The following CLEC16A variants were observed in gnomAD, a reference collection of about 807,000 sequenced individuals.
The protein encoded by CLEC16A is C-type lectin domain containing 16A.
A neutral mutation model predicts 109.5 loss-of-function variants in CLEC16A; 51 were observed. The ratio of observed to expected loss-of-function variants is 0.47; its 90% CI spans 0.37 to 0.59. CLEC16A has a LOEUF of 0.59. CLEC16A is among the 20% of genes least tolerant of loss of function. CLEC16A has a pLI of 0.00. For synonymous variants in CLEC16A, 673 were observed against 564.2 expected (o/e 1.19, Z -2.73); for missense variants, 1,339 against 1,394.0 (o/e 0.96, Z 0.63).
intron 21 of CLEC16A, among the ~76,000 whole-genome samples, chr16:11,124,536 A>G (rs2052659372): frequency 6.6e-6 from 1 of 152,242 alleles, no homozygotes; most frequent in African/African-American, 2.4e-5. Context: ...AGGAAGCCCA[A>G]CACTGCCCAG....
intron 1 of CLEC16A, among the ~76,000 whole-genome samples, chr16:10,949,399 A>G (rs1219111734): frequency 6.6e-6 from 1 of 152,096 alleles, no homozygotes; most frequent in Non-Finnish European, 1.5e-5. Flanking sequence ...CGCTGTTTAA[A>G]TGGAGACCAA....
At chr16:11,054,981 C>A (rs1254558669) in intron 18 of CLEC16A, among the ~76,000 whole-genome samples, 2 of 142,810 alleles carry the variant, frequency 1.4e-5, no homozygotes, top group African/African-American at 5.2e-5. Flanking sequence ...GGAGGCTGAT[C>A]CTTTTTAGAA....
chr16:11,025,426 G>A (rs74384552), intron 13 of CLEC16A, among the ~76,000 whole-genome samples: 1 of 152,216 alleles, frequency 6.6e-6, no homozygotes, highest in African/African-American at 2.4e-5. Context: ...AGGCTACTTG[G>A]CCAGGATCCA....
At chr16:11,014,869 A>G (rs961456383) in intron 11 of CLEC16A, among the ~76,000 whole-genome samples, 1 of 152,222 alleles carries the variant, frequency 6.6e-6, no homozygotes, top group Non-Finnish European at 1.5e-5. Context: ...TGCCAACTTC[A>G]GGTGTAGCAC....
chr16:11,121,879 CAAAAAA>C (rs536067685), intron 20 of CLEC16A, among the ~76,000 whole-genome samples: 836 of 29,764 alleles, frequency 0.028, 4 homozygotes, highest in Non-Finnish European at 0.039. Context: ...GACCCTGTCT[CAAAAAA>C]AAAAAAAAAA....
At chr16:11,091,175 A>G (rs759990076) in intron 19 of CLEC16A, among the ~76,000 whole-genome samples, 6 of 152,240 alleles carry the variant, frequency 3.9e-5, no homozygotes, top group African/African-American at 1.2e-4. Flanking sequence ...TCCTGTGTTT[A>G]TATCTCCCCC....
At chr16:10,944,937 G>T in intron 1 of CLEC16A, 140 bp downstream of exon 1, 2 of 786,296 alleles carry the variant, frequency 2.5e-6, no homozygotes, top group Non-Finnish European at 4.0e-6. Flanking sequence ...AAGAGCGAGG[G>T]CTCGGGAGTC....
intron 18 of CLEC16A, among the ~76,000 whole-genome samples, chr16:11,056,321 G>T (rs1373485204): frequency 1.3e-5 from 2 of 152,214 alleles, no homozygotes; most frequent in Admixed American, 1.3e-4. Context: ...GAGTAGACGA[G>T]TGTGGCTGTG....
chr16:11,133,330 C>G (rs1279523418), intron 22 of CLEC16A, among the ~76,000 whole-genome samples: 1 of 150,154 alleles, frequency 6.7e-6, no homozygotes, highest in Non-Finnish European at 1.5e-5. Flanking sequence ...CAGAGTGAGA[C>G]TCTGTCTCAA....
chr16:11,132,085 A>G (rs1597497121), intron 22 of CLEC16A, among the ~76,000 whole-genome samples: 6 of 152,204 alleles, frequency 3.9e-5, no homozygotes. Context: ...GAAATTTAAC[A>G]CAACATAAAA....
chr16:10,959,012 CG>C lies in CLEC16A; in HGVS notation c.209+1105del. Among the ~76,000 whole-genome samples the C allele has an allele frequency of 4.4e-5, 5 of 113,140 alleles. No individual in the cohort carries two copies. The Middle Eastern group carries it at 0.018, about 400-fold the overall frequency. 74.2% of individuals were successfully genotyped at this position (113,140 alleles called of 152,430 possible). ...GCTGGGTTATGACAACCACTAAACACGGGTGTGTGTGTGTGTGTGTGTGTGT... is the reference window on the plus strand; with the variant it reads ...GCTGGGTTATGACAACCACTAAACACGGTGTGTGTGTGTGTGTGTGTGTGT... On this transcript the variant is annotated intron_variant, in intron 2 of 23. Coordinates refer to ENST00000409790, the MANE Select transcript of CLEC16A (RefSeq NM_015226.3).
intron 22 of CLEC16A, among the ~76,000 whole-genome samples, chr16:11,158,272 G>T (rs2054604381): frequency 6.6e-6 from 1 of 152,188 alleles, no homozygotes; most frequent in East Asian, 1.9e-4. Context: ...GCCTCGGAAT[G>T]AATTTGCTAA....
chr16:10,997,355 A>G (rs2044390736), intron 10 of CLEC16A, among the ~76,000 whole-genome samples: 1 of 152,228 alleles, frequency 6.6e-6, no homozygotes, highest in South Asian at 2.1e-4. Context: ...TTTTGTGCAC[A>G]TGATTATATT....
chr16:11,000,498 G>C, intron 10 of CLEC16A, among the ~76,000 whole-genome samples: 1 of 152,144 alleles, frequency 6.6e-6, no homozygotes, highest in East Asian at 1.9e-4. Context: ...AGTGATGGGA[G>C]GAAGCTAACT....
At chr16:11,046,018 G>A (rs1008471256) in intron 16 of CLEC16A, among the ~76,000 whole-genome samples, 1 of 152,022 alleles carries the variant, frequency 6.6e-6, no homozygotes, top group Admixed American at 6.6e-5. Flanking sequence ...TTTCCCCTTA[G>A]AACATCCCAA....
intron 18 of CLEC16A, among the ~76,000 whole-genome samples, chr16:11,059,351 G>A (rs1340376638): frequency 6.6e-6 from 1 of 152,164 alleles, no homozygotes; most frequent in African/African-American, 2.4e-5. Context: ...TATAACTTAA[G>A]AGCTGATCTT....
At chr16:11,008,079 CTCGG>C (rs1343816215) in intron 11 of CLEC16A, among the ~76,000 whole-genome samples, 1 of 152,196 alleles carries the variant, frequency 6.6e-6, no homozygotes, top group East Asian at 1.9e-4. Flanking sequence ...CGCACACACT[CTCGG>C]TCGTTGTCAG....
chr16:11,093,328 C>A (rs995738974), intron 19 of CLEC16A, among the ~76,000 whole-genome samples: 2 of 152,186 alleles, frequency 1.3e-5, no homozygotes, highest in African/African-American at 4.8e-5. Flanking sequence ...TCAGCCAGTG[C>A]GGTTACCGTG....
intron 22 of CLEC16A, among the ~76,000 whole-genome samples, chr16:11,163,422 GAT>G (rs1437862118): frequency 1.3e-5 from 2 of 152,224 alleles, no homozygotes; most frequent in African/African-American, 4.8e-5. Flanking sequence ...GTGAGGGAGA[GAT>G]GTGTTCAGTA....
Sources: gnomAD v4.1 joint callset for allele counts (sites outside exome capture counted in the v4.1 genomes callset) on GRCh38, gnomAD v4.1.1 for gene constraint, MANE v1.5 for transcripts, NCBI Gene and HGNC (gene_info 2026-07-23, HGNC 2026-07-21) for gene names.